NT5M: variants seen among roughly 807,000 people sequenced by gnomAD.
NT5M encodes the protein 5',3'-nucleotidase, mitochondrial.
In NT5M, 22 loss-of-function variants were observed where a neutral mutation model predicts 22.2. The ratio of observed to expected loss-of-function variants is 0.99; its 90% confidence interval spans 0.71 to 1.41. NT5M has a LOEUF of 1.41. NT5M is among the 40% of genes most tolerant of loss of function. The pLI is 0.00. For synonymous variants in NT5M, 167 were observed against 133.0 expected (o/e 1.26, Z -1.76); for missense variants, 322 against 314.8 (o/e 1.02, Z -0.17).
At chr17:17,323,576 T>C (rs2049200786) in intron 3 of NT5M, among the ~76,000 whole-genome samples, 1 of 152,198 alleles carries the variant, frequency 6.6e-6, no homozygotes, top group South Asian at 2.1e-4. Flanking sequence ...GTGGGTAAAG[T>C]TCATTTTGCT....
chr17:17,346,093 C>T (rs1281309072), intron 4 of NT5M, among the ~76,000 whole-genome samples: 1 of 152,218 alleles, frequency 6.6e-6, no homozygotes, highest in Non-Finnish European at 1.5e-5. Context: ...AACATGCCCA[C>T]CTCCATCACT....
chr17:17,319,883 G>A (rs928328432), intron 2 of NT5M, among the ~76,000 whole-genome samples: 11 of 152,182 alleles, frequency 7.2e-5, no homozygotes, highest in Non-Finnish European at 1.2e-4. Flanking sequence ...TCGCTCTGTC[G>A]TCAGGCTGGA....
At chr17:17,342,181 C>CA (rs1471747452) in intron 3 of NT5M, among the ~76,000 whole-genome samples, 2 of 152,094 alleles carry the variant, frequency 1.3e-5, no homozygotes, top group Non-Finnish European at 2.9e-5. Flanking sequence ...AAAATATTTG[C>CA]AAAATGCATT....
chr17:17,306,167 ACT>A (rs896374604), intron 1 of NT5M, among the ~76,000 whole-genome samples: 30 of 151,892 alleles, frequency 2.0e-4, no homozygotes, highest in East Asian at 5.8e-4. Flanking sequence ...AAGTTTAAGG[ACT>A]CTACTACCAT....
At chr17:17,305,511 G>T (rs924487251) in intron 1 of NT5M, among the ~76,000 whole-genome samples, 1 of 151,072 alleles carries the variant, frequency 6.6e-6, no homozygotes, top group African/African-American at 2.4e-5. Context: ...TATGTGGGAT[G>T]TGAGGATCAA....
At chr17:17,309,570 T>C (rs540129034) in intron 2 of NT5M, among the ~76,000 whole-genome samples, 4 of 152,230 alleles carry the variant, frequency 2.6e-5, no homozygotes, top group Non-Finnish European at 5.9e-5. Flanking sequence ...CACATCTTTG[T>C]CAACACTTGT....
intron 4 of NT5M, among the ~76,000 whole-genome samples, chr17:17,345,936 T>C (rs2049748970): frequency 6.6e-6 from 1 of 152,216 alleles, no homozygotes; most frequent in South Asian, 2.1e-4. Context: ...GTGAGTGTTG[T>C]TTCTTTGCCT....
Position 17,347,002 on chromosome 17 carries a change from C to T in NT5M, c.*55C>T, listed in dbSNP as rs777157439. ...GGCTCTGACCTCAGGGCTCCCAGCT[C>T]GGGGCCTGTGGGGCCAGTATGCTGG... On this transcript the variant is annotated 3_prime_UTR_variant, in exon 5 of 5. Coordinates refer to ENST00000389022, the MANE Select transcript of NT5M (RefSeq NM_020201.4). 1.2e-5 allele frequency: 19 copies of T among 1,590,558 alleles called. No homozygotes were observed. The highest frequency in any genetic ancestry group is 2.2e-5 in the South Asian group (2 of 89,132).
intron 3 of NT5M, among the ~76,000 whole-genome samples, chr17:17,341,482 CTG>C (rs1665946001): frequency 6.6e-6 from 1 of 152,200 alleles, no homozygotes; most frequent in South Asian, 2.1e-4. Context: ...TGAAGACTTT[CTG>C]TGTGCCAGGT....
intron 3 of NT5M, among the ~76,000 whole-genome samples, chr17:17,330,319 A>G (rs955202032): frequency 3.4e-4 from 51 of 151,766 alleles, no homozygotes; most frequent in Middle Eastern, 3.2e-3. Context: ...AACAAAAAAA[A>G]AACCCACTCC....
At chr17:17,317,876 C>T (rs1454965051) in intron 2 of NT5M, among the ~76,000 whole-genome samples, 3 of 149,410 alleles carry the variant, frequency 2.0e-5, no homozygotes, top group East Asian at 4.0e-4. Context: ...GCAGGAGAAT[C>T]GCTTGAACCC....
chr17:17,334,121 C>G (rs1342848506), intron 3 of NT5M, among the ~76,000 whole-genome samples: 2 of 152,062 alleles, frequency 1.3e-5, no homozygotes, highest in Non-Finnish European at 2.9e-5. Flanking sequence ...GTGTGAGACA[C>G]CGTGCCTGGT....
At chr17:17,326,640 C>G (rs1358988021) in intron 3 of NT5M, among the ~76,000 whole-genome samples, 1 of 152,222 alleles carries the variant, frequency 6.6e-6, no homozygotes, top group African/African-American at 2.4e-5. Context: ...CCCAAGATTC[C>G]TAGTCCCCAG....
chr17:17,342,368 G>A (rs962766806), intron 3 of NT5M, among the ~76,000 whole-genome samples: 1 of 151,960 alleles, frequency 6.6e-6, no homozygotes, highest in African/African-American at 2.4e-5. Flanking sequence ...ATTTTCCCAC[G>A]CAAACCCTTT....
chr17:17,345,138 T>A (rs1567903512), intron 4 of NT5M: 1 of 1,003,960 alleles, frequency 1.0e-6, no homozygotes, highest in Non-Finnish European at 1.4e-6. Flanking sequence ...GCTTGAGGGG[T>A]GGCCTTGGGG....
At chr17:17,318,823 C>CATTCATGTG (rs2049091513) in intron 2 of NT5M, among the ~76,000 whole-genome samples, 1 of 147,658 alleles carries the variant, frequency 6.8e-6, no homozygotes, top group Non-Finnish European at 1.5e-5. Flanking sequence ...ATGACCTACC[C>CATTCATGTG]ATTCATGTGG....
chr17:17,319,866 C>T lies in NT5M; in HGVS notation c.369-3319C>T, dbSNP rs577293918. Reference sequence around the variant, plus strand: ...ATTTCTTTCTTTCTTTATTTTGAGACGGAGTCTCGCTCTGTCGTCAGGCTG... The same window carrying T: ...ATTTCTTTCTTTCTTTATTTTGAGATGGAGTCTCGCTCTGTCGTCAGGCTG... On this transcript the variant is annotated intron_variant, in intron 2 of 4. Coordinates refer to ENST00000389022, the MANE Select transcript of NT5M (RefSeq NM_020201.4). Among the ~76,000 whole-genome samples, 18 of 152,298 alleles carry T rather than the reference C, an allele frequency of 1.2e-4. No homozygotes were observed. The Middle Eastern group carries it at 0.01, about 86-fold the overall frequency.
intron 3 of NT5M, among the ~76,000 whole-genome samples, chr17:17,337,457 A>G (rs2049540611): frequency 6.7e-6 from 1 of 149,778 alleles, no homozygotes; most frequent in African/African-American, 2.5e-5. Context: ...AGACTGGTGT[A>G]CAAGTGGTTT....
rs1478625308 is a variant in NT5M at position 17,303,436 on chromosome 17, T to TCCACGCGCGCC, written c.-111_-101dup. ...CCCCGCCCCGCTCCCCGTCCCGCGC[T>TCCACGCGCGCC]CCACGCGCGCCCCAGCGTTGGGGGC... On this transcript the variant is annotated 5_prime_UTR_variant, in exon 1 of 5. Transcript: ENST00000389022. 2 of 992,786 alleles carry TCCACGCGCGCC rather than the reference T, an allele frequency of 2.0e-6. No homozygotes were observed. Among genetic ancestry groups the TCCACGCGCGCC allele is most frequent in the South Asian group, 4.7e-5 (1 of 21,316 alleles). 61.5% of individuals were successfully genotyped at this position (992,786 alleles called of 1,614,324 possible).
Sources: gnomAD v4.1 joint callset for allele counts (sites outside exome capture counted in the v4.1 genomes callset) on GRCh38, gnomAD v4.1.1 for gene constraint, MANE v1.5 for transcripts, NCBI Gene and HGNC (gene_info 2026-07-23, HGNC 2026-07-21) for gene names.